MPP4: variants seen among roughly 807,000 people sequenced by gnomAD.
The protein encoded by MPP4 is MAGUK p55 subfamily member 4.
A neutral mutation model predicts 98.3 loss-of-function variants in MPP4; 91 were observed. The observed-to-expected ratio is 0.93, with a 90% CI of 0.78 to 1.10. The LOEUF is 1.10. Among genes scored for constraint, MPP4 ranks in the 50% least tolerant of loss-of-function variants. The pLI, the probability that MPP4 is intolerant of heterozygous loss-of-function variation, is 0.00. For missense variants in MPP4, 744 were observed against 792.9 expected, an observed-to-expected ratio of 0.94 and a Z score of 0.74; for synonymous variants, 261 against 271.8, an observed-to-expected ratio of 0.96 and a Z score of 0.39.
At chr2:201,656,157 C>G in intron 17 of MPP4, 41 bp downstream of exon 17, 1 of 1,534,230 alleles carries the variant, frequency 6.5e-7, no homozygotes, top group Non-Finnish European at 8.8e-7. Flanking sequence ...AGAAGGAAGA[C>G]TTCTCAAGGA....
intron 18 of MPP4, chr2:201,652,014 T>C: frequency 1.0e-6 from 1 of 974,758 alleles, no homozygotes; most frequent in Non-Finnish European, 1.2e-6. Flanking sequence ...ATTTCTTTGG[T>C]AGTTTTTGCT....
chr2:201,650,293 A>G, intron 18 of MPP4, 128 bp from the exon 19 acceptor site: 1 of 1,421,356 alleles, frequency 7.0e-7, no homozygotes, highest in Non-Finnish European at 9.1e-7. Context: ...AAATGCTAGA[A>G]CTAAAAAGAA....
intron 16 of MPP4, among the ~76,000 whole-genome samples, chr2:201,657,590 G>GGTTTTTTTT (rs1687884189): frequency 1.1e-5 from 1 of 91,124 alleles, no homozygotes; most frequent in African/African-American, 4.3e-5. Flanking sequence ...CCTGGCCCTT[G>GGTTTTTTTT]TTTTTTTTTT....
chr2:201,687,463 A>G (rs1221436120), intron 4 of MPP4, 92 bp from the exon 5 acceptor site: 4 of 908,198 alleles, frequency 4.4e-6, no homozygotes, highest in Non-Finnish European at 6.8e-6. Context: ...ACATACTAAC[A>G]TGATATTGAC....
intron 4 of MPP4, among the ~76,000 whole-genome samples, chr2:201,687,795 C>T (rs1688882899): frequency 6.6e-6 from 1 of 152,154 alleles, no homozygotes; most frequent in African/African-American, 2.4e-5. Context: ...GAGCTTAATC[C>T]CATGGGATGC....
intron 17 of MPP4, among the ~76,000 whole-genome samples, chr2:201,655,498 G>A (rs114082891): frequency 2.8e-4 from 42 of 152,258 alleles, no homozygotes; most frequent in African/African-American, 9.4e-4. Flanking sequence ...TTTTAACAAG[G>A]GGCCCTTGCA....
chr2:201,662,292 T>A (rs772741425), intron 14 of MPP4, among the ~76,000 whole-genome samples: 3 of 149,918 alleles, frequency 2.0e-5, no homozygotes, highest in Non-Finnish European at 3.0e-5. Context: ...TCACTTGAGA[T>A]CAGGAGTTCG....
At chr2:201,655,612 C>T (rs1193575209) in intron 17 of MPP4, among the ~76,000 whole-genome samples, 1 of 152,204 alleles carries the variant, frequency 6.6e-6, no homozygotes, top group African/African-American at 2.4e-5. Context: ...GCTAAACAGG[C>T]AGACACGAAG....
chr2:201,669,793 C>T (rs759121138), intron 11 of MPP4, 43 bp from the exon 12 acceptor site: 4 of 1,343,362 alleles, frequency 3.0e-6, no homozygotes, highest in Admixed American at 6.1e-5. Context: ...ATAAAAAGAA[C>T]ACAGTATCTG....
rs1480001147 is a variant in MPP4, at chr2:201,655,609, A to G, written c.1300+589T>C. Among the ~76,000 whole-genome samples the G allele has an allele frequency of 2.6e-5, 4 of 152,226 alleles. No individual in the cohort carries two copies. The East Asian group carries it at 7.7e-4, about 29-fold the overall frequency. On this transcript the variant is annotated intron_variant, in intron 17 of 21. Transcript: ENST00000409474. Reference sequence around the variant, plus strand: ...ACCTGCCTTGCTCATGAAGCTAAACAGGCAGACACGAAGGCAGTAGGATAC... The same window carrying G: ...ACCTGCCTTGCTCATGAAGCTAAACGGGCAGACACGAAGGCAGTAGGATAC...
At chr2:201,652,346 C>G (rs1387085035) in intron 18 of MPP4, among the ~76,000 whole-genome samples, 3 of 152,060 alleles carry the variant, frequency 2.0e-5, no homozygotes, top group African/African-American at 7.2e-5. Context: ...GTAATCTCAG[C>G]TACTCGGGAG....
chr2:201,667,590 T>G (rs1248403304), intron 12 of MPP4, among the ~76,000 whole-genome samples: 2 of 152,214 alleles, frequency 1.3e-5, no homozygotes, highest in Non-Finnish European at 2.9e-5. Context: ...TTGATTTGAA[T>G]AAAGGTTCTG....
chr2:201,682,805 A>T (rs16838004), intron 8 of MPP4, 26 bp downstream of exon 8: 112,805 of 1,605,968 alleles, frequency 0.07, 5,310 homozygotes, highest in East Asian at 0.23. Context: ...CCAAGTCATT[A>T]ACAAAAAGGC....
At chr2:201,683,969 C>A (rs1181950555) in intron 7 of MPP4, among the ~76,000 whole-genome samples, 1 of 151,888 alleles carries the variant, frequency 6.6e-6, no homozygotes, top group Non-Finnish European at 1.5e-5. Context: ...CCTGTAATCC[C>A]AACAGTCTGG....
At chr2:201,697,305 G>GA in intron 1 of MPP4, among the ~76,000 whole-genome samples, 2 of 152,102 alleles carry the variant, frequency 1.3e-5, no homozygotes. Context: ...AAAACTCATA[G>GA]AAAAAAACTT....
chr2:201,663,979 T>C (rs1688094449), intron 14 of MPP4, 102 bp downstream of exon 14: 1 of 783,088 alleles, frequency 1.3e-6, no homozygotes, highest in Non-Finnish European at 1.9e-6. Context: ...AATTTTTTAA[T>C]GTTGATATAT....
At chr2:201,666,148 G>C (rs1244668431) in intron 13 of MPP4, 186 bp downstream of exon 13, 1 of 488,580 alleles carries the variant, frequency 2.0e-6, no homozygotes, top group Non-Finnish European at 3.7e-6. Flanking sequence ...TGGGAACCTG[G>C]AGACATTACC....
chr2:201,676,047 T>C (rs149369987), intron 10 of MPP4, among the ~76,000 whole-genome samples: 1 of 152,304 alleles, frequency 6.6e-6, no homozygotes, highest in African/African-American at 2.4e-5. Flanking sequence ...AGGTAAGTCA[T>C]ATGTATGTTA....
At chr2:201,657,500 C>A (rs1413225756) in intron 16 of MPP4, among the ~76,000 whole-genome samples, 2 of 151,028 alleles carry the variant, frequency 1.3e-5, no homozygotes, top group Admixed American at 1.3e-4. Flanking sequence ...CCAGTACATA[C>A]AATGTCAATC....
Sources: gnomAD v4.1 joint callset for allele counts (sites outside exome capture counted in the v4.1 genomes callset) on GRCh38, gnomAD v4.1.1 for gene constraint, MANE v1.5 for transcripts, NCBI Gene and HGNC (gene_info 2026-07-23, HGNC 2026-07-21) for gene names.